JAKMIP1: variants seen among roughly 807,000 people sequenced by gnomAD.
JAKMIP1 encodes the protein janus kinase and microtubule interacting protein 1.
A neutral mutation model predicts 113.0 loss-of-function variants in JAKMIP1; 33 were observed. The observed-to-expected ratio is 0.29, with a 90% CI of 0.22 to 0.39. The LOEUF (loss-of-function observed/expected upper bound fraction) is 0.39, where lower values mean the gene tolerates loss of function less well. Among genes scored for constraint, JAKMIP1 ranks in the 10% least tolerant of loss-of-function variants. The pLI, the probability that JAKMIP1 is intolerant of heterozygous loss-of-function variation, is 1.00. For missense variants in JAKMIP1, 813 were observed against 1,080.5 expected (o/e 0.75, Z 3.47); for synonymous variants, 480 against 459.9 (o/e 1.04, Z -0.56).
At position 6,069,807 on chromosome 4, in the gene JAKMIP1, T is replaced by C. The variant is rs1005051971; in HGVS notation, c.1303-4799A>G. On this transcript the variant is annotated intron_variant, in intron 8 of 20. Coordinates refer to ENST00000409021, the MANE Select transcript of JAKMIP1 (RefSeq NM_001099433.2). The surrounding 1 kb of genome is among the most constrained non-coding windows in gnomAD (Gnocchi z 4.5). ...GCAAAATGAATGAAGAGTAAACATG[T>C]CTCCTCCATTTACACTTTGCATATA... Among the ~76,000 whole-genome samples, 5 of 151,356 alleles carry C rather than the reference T, an allele frequency of 3.3e-5. No individual in the cohort carries two copies. The highest frequency in any genetic ancestry group is 7.4e-5 in the Non-Finnish European group (5 of 67,938).
Position 6,139,908 on chromosome 4 carries a change from C to T in JAKMIP1, c.-147-26911G>A, listed in dbSNP as rs967198420. Among the ~76,000 whole-genome samples the T allele has an allele frequency of 2.6e-5, 4 of 152,104 alleles. No individual in the cohort carries two copies. The highest frequency in any genetic ancestry group is 9.7e-5 in the African/African-American group (4 of 41,386). On this transcript the variant is annotated intron_variant, in intron 1 of 20. Transcript: ENST00000409021. This position sits in a 1 kb window ranked among gnomAD's most constrained non-coding sequence, Gnocchi z 5.2. ...ACGAGCCAAGGAATACCAAGGACTGCCACCAAAGCACAGGAAGCCAGGGGA... is the reference window on the plus strand; with the variant it reads ...ACGAGCCAAGGAATACCAAGGACTGTCACCAAAGCACAGGAAGCCAGGGGA...
Position 6,193,936 on chromosome 4 carries a change from C to T in JAKMIP1, c.-148+6317G>A, listed in dbSNP as rs533597763. ...GATGAATAGACCATTGTGTTGTATACGCACCATGGAATACTACTCCGCCAT... is the reference window on the plus strand; with the variant it reads ...GATGAATAGACCATTGTGTTGTATATGCACCATGGAATACTACTCCGCCAT... On this transcript the variant is annotated intron_variant, in intron 1 of 20. Transcript: ENST00000409021. This position sits in a 1 kb window ranked among gnomAD's most constrained non-coding sequence, Gnocchi z 6.4. Among the ~76,000 whole-genome samples the T allele has an allele frequency of 1.7e-4, 26 of 152,272 alleles. No individual in the cohort carries two copies. In the East Asian group the frequency reaches 2.7e-3, roughly 16 times the overall value.
intron 1 of JAKMIP1, among the ~76,000 whole-genome samples, chr4:6,126,760 C>G (rs1717725319): frequency 6.6e-6 from 1 of 151,596 alleles, no homozygotes; most frequent in Non-Finnish European, 1.5e-5. Context: ...ACACACAACA[C>G]ATGCGCCCCC....
Position 6,098,561 on chromosome 4 carries a change from AGAAAGAAAGAAAGAAAGAAAGAAG to A in JAKMIP1, c.624+6888_624+6911del, listed in dbSNP as rs1712272415. Among the ~76,000 whole-genome samples, 6 of 22,062 alleles carry A rather than the reference AGAAAGAAAGAAAGAAAGAAAGAAG, an allele frequency of 2.7e-4. No homozygotes were observed. In the Admixed American group the frequency reaches 5.7e-3, roughly 21 times the overall value. 14.5% of individuals were successfully genotyped at this position (22,062 alleles called of 152,430 possible). A position where few individuals can be genotyped will look rare whatever the true frequency, so the allele number is the denominator to read the frequency against. On this transcript the variant is annotated intron_variant, in intron 3 of 20. Coordinates refer to ENST00000409021, the MANE Select transcript of JAKMIP1 (RefSeq NM_001099433.2). Reference sequence around the variant, plus strand: ...GAGAGAAAGAAAAAGAAAGAAAGAAAGAAAGAAAGAAAGAAAGAAAGAAGGAAAGGAAGAAAGAAAGGAAGAAAA... The same window carrying A: ...GAGAGAAAGAAAAAGAAAGAAAGAAAGAAAGGAAGAAAGAAAGGAAGAAAA...
chr4:6,059,148 T>C lies in JAKMIP1; in HGVS notation c.1644+1276A>G, dbSNP rs1208728830. 3.9e-5 allele frequency among the ~76,000 whole-genome samples: 6 copies of C among 152,180 alleles called. No homozygotes were observed. Among genetic ancestry groups the C allele is most frequent in the East Asian group, 3.9e-4 (2 of 5,188 alleles). On this transcript the variant is annotated intron_variant, in intron 11 of 20. Coordinates refer to ENST00000409021, the MANE Select transcript of JAKMIP1 (RefSeq NM_001099433.2). The surrounding 1 kb of genome is among the most constrained non-coding windows in gnomAD (Gnocchi z 4.8). ...AGCTCTGCGTCACGATCCCACCGCA[T>C]GGAGGATGCAGACCACAGTTTAGAG... is the stretch of plus-strand genomic sequence containing the variant.
Position 6,167,778 on chromosome 4 carries a change from T to C in JAKMIP1, c.-148+32475A>G, listed in dbSNP as rs1218565555. ...GGCACGCGGCTTTTCCACGGCTCTATGGCTGTCTTAAATTTCACTTGTGAG... is the reference window on the plus strand; with the variant it reads ...GGCACGCGGCTTTTCCACGGCTCTACGGCTGTCTTAAATTTCACTTGTGAG... On this transcript the variant is annotated intron_variant, in intron 1 of 20. Coordinates refer to ENST00000409021, the MANE Select transcript of JAKMIP1 (RefSeq NM_001099433.2). The surrounding 1 kb of genome is among the most constrained non-coding windows in gnomAD (Gnocchi z 5.3). 1.3e-5 allele frequency among the ~76,000 whole-genome samples: 2 copies of C among 152,236 alleles called. No homozygotes were observed. Among genetic ancestry groups the C allele is most frequent in the Non-Finnish European group, 1.5e-5 (1 of 68,044 alleles).
intron 1 of JAKMIP1, among the ~76,000 whole-genome samples, chr4:6,170,109 CCAA>C (rs1319565853): frequency 2.0e-5 from 3 of 149,570 alleles, no homozygotes; most frequent in African/African-American, 4.9e-5. Flanking sequence ...CCCATCATTA[CCAA>C]CATCATCACC....
intron 18 of JAKMIP1, among the ~76,000 whole-genome samples, chr4:6,038,505 C>A: frequency 6.7e-6 from 1 of 149,946 alleles, no homozygotes; most frequent in Admixed American, 6.6e-5. Context: ...CCCTCCATCA[C>A]TGAGGCAGAG....
In JAKMIP1 at chr4:6,088,281, A is replaced by C. The variant is rs1217351120; in HGVS notation, c.625-2652T>G. 2.0e-5 allele frequency among the ~76,000 whole-genome samples: 3 copies of C among 152,184 alleles called. No individual in the cohort carries two copies. Among genetic ancestry groups the C allele is most frequent in the Admixed American group, 1.3e-4 (2 of 15,282 alleles). On this transcript the variant is annotated intron_variant, in intron 3 of 20. Transcript: ENST00000409021. The surrounding 1 kb of genome is among the most constrained non-coding windows in gnomAD (Gnocchi z 5.5). ...ATTTGTGCTATGAGGGGGAAAAAAA[A>C]CAATAACAACATCAAAGCAAAGGAA...
chr4:6,179,780 C>T lies in JAKMIP1; in HGVS notation c.-148+20473G>A, dbSNP rs532623323. 6.6e-6 allele frequency among the ~76,000 whole-genome samples: 1 copy of T among 152,222 alleles called. No individual in the cohort carries two copies. The highest frequency in any genetic ancestry group is 1.5e-5 in the Non-Finnish European group (1 of 68,036). On this transcript the variant is annotated intron_variant, in intron 1 of 20. Transcript: ENST00000409021. The surrounding 1 kb of genome is among the most constrained non-coding windows in gnomAD (Gnocchi z 4.5). Reference sequence around the variant, plus strand: ...CTGGGTACACCTCATCTCAATCCATCCTCAAAGCCTCCTTGTAAAACAGGT... The same window carrying T: ...CTGGGTACACCTCATCTCAATCCATTCTCAAAGCCTCCTTGTAAAACAGGT...
At position 6,188,654 on chromosome 4, in the gene JAKMIP1, G is replaced by A. The variant is rs1045392361; in HGVS notation, c.-148+11599C>T. On this transcript the variant is annotated intron_variant, in intron 1 of 20. Transcript: ENST00000409021. This position sits in a 1 kb window ranked among gnomAD's most constrained non-coding sequence, Gnocchi z 5.8. ...TATTAATCTGGGGCACCTGAGGTTTGGGGCACCTGCATCCCTCCCCCATCT... is the reference window on the plus strand; with the variant it reads ...TATTAATCTGGGGCACCTGAGGTTTAGGGCACCTGCATCCCTCCCCCATCT... Among the ~76,000 whole-genome samples the A allele has an allele frequency of 7.2e-5, 11 of 152,274 alleles. No individual in the cohort carries two copies. The highest frequency in any genetic ancestry group is 5.9e-4 in the Admixed American group (9 of 15,306).
rs1335961231 is a variant in JAKMIP1, at chr4:6,140,200, G to A, written c.-147-27203C>T. On this transcript the variant is annotated intron_variant, in intron 1 of 20. Coordinates refer to ENST00000409021, the MANE Select transcript of JAKMIP1 (RefSeq NM_001099433.2). The surrounding 1 kb of genome is among the most constrained non-coding windows in gnomAD (Gnocchi z 9.4). Reference sequence around the variant, plus strand: ...AGCGGCAGAAACAATCAATGTTCACGTGGCTCTCCACCCGGACATTTGGGC... The same window carrying A: ...AGCGGCAGAAACAATCAATGTTCACATGGCTCTCCACCCGGACATTTGGGC... Among the ~76,000 whole-genome samples, 1 of 151,882 alleles carries A rather than the reference G, an allele frequency of 6.6e-6. No individual in the cohort carries two copies. Among genetic ancestry groups the A allele is most frequent in the Non-Finnish European group, 1.5e-5 (1 of 68,000 alleles).
At chr4:6,074,176 G>A (rs1470770530) in intron 8 of JAKMIP1, among the ~76,000 whole-genome samples, 1 of 152,250 alleles carries the variant, frequency 6.6e-6, no homozygotes, top group Non-Finnish European at 1.5e-5. Context: ...GCAGAGTCAT[G>A]GCCCTCAGGG....
At chr4:6,053,787 A>G (rs548314598) in intron 13 of JAKMIP1, 2 of 1,262,552 alleles carry the variant, frequency 1.6e-6, no homozygotes, top group African/African-American at 1.5e-5. Context: ...ATTAAGTGCA[A>G]AACAAGCCAT....
intron 4 of JAKMIP1, 123 bp downstream of exon 4, chr4:6,085,297 A>T: frequency 1.2e-6 from 1 of 848,328 alleles, no homozygotes; most frequent in Non-Finnish European, 1.8e-6. Context: ...CCCCTCCAAT[A>T]CTGAGTGAAT....
intron 1 of JAKMIP1, among the ~76,000 whole-genome samples, chr4:6,195,930 A>G (rs758362433): frequency 1.8e-4 from 27 of 152,348 alleles, no homozygotes; most frequent in Non-Finnish European, 3.1e-4. Context: ...TTTATTTACA[A>G]AAGCCCCTGG....
intron 1 of JAKMIP1, among the ~76,000 whole-genome samples, chr4:6,134,691 C>T (rs989810569): frequency 2.6e-5 from 4 of 152,354 alleles, no homozygotes; most frequent in Admixed American, 6.5e-5. Context: ...GAGCCTGGCT[C>T]GGTGTCTGCC....
At chr4:6,128,934 G>A (rs1420586840) in intron 1 of JAKMIP1, among the ~76,000 whole-genome samples, 2 of 152,222 alleles carry the variant, frequency 1.3e-5, no homozygotes, top group Non-Finnish European at 2.9e-5. Context: ...CCCACACCCA[G>A]GGGGTGCCTT....
At position 6,158,183 on chromosome 4, in the gene JAKMIP1, C is replaced by T. The variant is rs1055356904; in HGVS notation, c.-148+42070G>A. ...ATCGCCTCACAGTGTGGAGGGCAGACCATGCTGTAGGTCATGCAGTGCACG... is the reference window on the plus strand; with the variant it reads ...ATCGCCTCACAGTGTGGAGGGCAGATCATGCTGTAGGTCATGCAGTGCACG... On this transcript the variant is annotated intron_variant, in intron 1 of 20. Transcript: ENST00000409021. The surrounding 1 kb of genome is among the most constrained non-coding windows in gnomAD (Gnocchi z 5.3). 6.7e-6 allele frequency among the ~76,000 whole-genome samples: 1 copy of T among 148,508 alleles called. No homozygotes were observed. The highest frequency in any genetic ancestry group is 2.6e-5 in the African/African-American group (1 of 38,066).
Sources: allele counts gnomAD v4.1 joint callset (sites outside exome capture counted in the v4.1 genomes callset), GRCh38; gene constraint gnomAD v4.1.1; non-coding constraint Gnocchi (gnomAD v3.1); transcripts MANE v1.5; gene names NCBI Gene and HGNC (gene_info 2026-07-23, HGNC 2026-07-21).